The following UGT2B4 variants were observed in gnomAD, a reference collection of about 807,000 sequenced individuals.
UGT2B4 encodes UDP glucuronosyltransferase family 2 member B4.
UGT2B4 carries 49 observed loss-of-function variants against 49.8 expected under a neutral mutation model. The ratio of observed to expected loss-of-function variants is 0.98; its 90% CI spans 0.78 to 1.25. The LOEUF (loss-of-function observed/expected upper bound fraction) is 1.25, where lower values mean the gene tolerates loss of function less well. Among genes scored for constraint, UGT2B4 ranks in the 50% most tolerant of loss-of-function variants. The pLI, the probability that UGT2B4 is intolerant of heterozygous loss-of-function variation, is 0.00. For missense variants in UGT2B4, 729 were observed against 627.7 expected (o/e 1.16, Z -1.73); for synonymous variants, 246 against 217.7 (o/e 1.13, Z -1.14).
chr4:69,480,458 T>A lies in UGT2B4; in HGVS notation c.*176A>T. The A allele has an allele frequency of 1.1e-6, 1 of 905,014 alleles. No individual in the cohort carries two copies. The highest frequency in any genetic ancestry group is 1.6e-6 in the Non-Finnish European group (1 of 620,988). The allele number at this position is 905,014 out of a possible 1,614,324, so 56.1% of individuals were successfully genotyped here. A position where few individuals can be genotyped will look rare whatever the true frequency, so the allele number is the denominator to read the frequency against. On this transcript the variant is annotated 3_prime_UTR_variant, in exon 6 of 6. Coordinates refer to ENST00000305107, the MANE Select transcript of UGT2B4 (RefSeq NM_021139.3). ...TTCCCTAATGTTTTCCTCCTTGACA[T>A]GAAATATTTCTAATGGTTAAACAGG... is the stretch of plus-strand genomic sequence containing the variant.
chr4:69,486,463 C>A, intron 4 of UGT2B4, 146 bp downstream of exon 4: 1 of 461,390 alleles, frequency 2.2e-6, no homozygotes, highest in Non-Finnish European at 3.6e-6. Flanking sequence ...TCTTTTCCCC[C>A]GGGACTGGAA....
intron 5 of UGT2B4, 76 bp downstream of exon 5, chr4:69,485,132 G>A: frequency 1.1e-5 from 16 of 1,510,648 alleles, no homozygotes; most frequent in Non-Finnish European, 1.5e-5. Context: ...CTTATAAAAA[G>A]GATAAAAGTC....
intron 1 of UGT2B4, among the ~76,000 whole-genome samples, chr4:69,520,795 C>T (rs527848602): frequency 6.6e-6 from 1 of 152,070 alleles, no homozygotes. Flanking sequence ...AGCCTGAGTG[C>T]CATAGATGAC....
rs767982446 is a variant in UGT2B4, at chr4:69,480,368, A to C, written c.*266T>G. The C allele has an allele frequency of 3.0e-5, 11 of 360,730 alleles. No individual in the cohort carries two copies. The highest frequency in any genetic ancestry group is 4.4e-5 in the Non-Finnish European group (9 of 206,124). The allele number at this position is 360,730 out of a possible 1,614,324, so 22.3% of individuals were successfully genotyped here. A position where few individuals can be genotyped will look rare whatever the true frequency, so the allele number is the denominator to read the frequency against. On this transcript the variant is annotated 3_prime_UTR_variant, in exon 6 of 6. Transcript: ENST00000305107. The stretch of plus-strand genomic sequence containing the variant: ...TTCATGTAACCTGTGAATTGGAACA[A>C]TAAATTTCAATATAAGCTCAATACA...
At chr4:69,511,251 A>G (rs552693116) in intron 1 of UGT2B4, among the ~76,000 whole-genome samples, 2 of 152,146 alleles carry the variant, frequency 1.3e-5, no homozygotes, top group South Asian at 4.1e-4. Flanking sequence ...AGGCTTCTCA[A>G]AGTGCTGGGA....
At chr4:69,505,054 G>A (rs1728434762) in intron 1 of UGT2B4, among the ~76,000 whole-genome samples, 1 of 152,192 alleles carries the variant, frequency 6.6e-6, no homozygotes, top group South Asian at 2.1e-4. Flanking sequence ...CCTTACAAAA[G>A]CTTCTTAAGG....
chr4:69,500,605 G>GGAA (rs1553896489), upstream of UGT2B4, among the ~76,000 whole-genome samples: 3 of 130,550 alleles, frequency 2.3e-5, no homozygotes, highest in African/African-American at 8.6e-5. Context: ...AAGAAAGCAA[G>GGAA]GAAGAAAGAA....
At chr4:69,502,815 C>G (rs189848465) in intron 1 of UGT2B4, among the ~76,000 whole-genome samples, 1 of 152,132 alleles carries the variant, frequency 6.6e-6, no homozygotes, top group Admixed American at 6.5e-5. Context: ...TATTCACACC[C>G]CCAACAAGCT....
In UGT2B4 at chr4:69,480,930, G is replaced by A; in HGVS notation, c.1311-20C>T. The A allele has an allele frequency of 1.2e-6, 2 of 1,608,570 alleles. No individual in the cohort carries two copies. The highest frequency in any genetic ancestry group is 2.7e-5 in the African/African-American group (2 of 74,692). ...TTATATCTAAACGATAAGCAGAAAAGTATCAACATTGAAAGTAAGTTAATT... is the reference window on the plus strand; with the variant it reads ...TTATATCTAAACGATAAGCAGAAAAATATCAACATTGAAAGTAAGTTAATT... On this transcript the variant is annotated intron_variant, in intron 5 of 5. Coordinates refer to ENST00000305107, the MANE Select transcript of UGT2B4 (RefSeq NM_021139.3).
chr4:69,486,534 C>A (rs1409839075), intron 4 of UGT2B4, 75 bp downstream of exon 4: 2 of 996,514 alleles, frequency 2.0e-6, no homozygotes, highest in Non-Finnish European at 1.4e-6. Context: ...GTTCAGTAAG[C>A]TTGTTTCATG....
chr4:69,496,979 T>C (rs544981241), upstream of UGT2B4, among the ~76,000 whole-genome samples: 4 of 151,912 alleles, frequency 2.6e-5, no homozygotes, highest in African/African-American at 9.7e-5. Flanking sequence ...ACCAAGCCTG[T>C]AGTACATTCA....
At chr4:69,500,485 A>C (rs1428375455), upstream of UGT2B4, among the ~76,000 whole-genome samples, 3 of 149,004 alleles carry the variant, frequency 2.0e-5, no homozygotes, top group African/African-American at 4.9e-5. Context: ...GGAAGAAAAG[A>C]AAGAAAGCAA....
chr4:69,490,218 T>C (rs1727940332), intron 2 of UGT2B4, among the ~76,000 whole-genome samples: 1 of 152,190 alleles, frequency 6.6e-6, no homozygotes, highest in Non-Finnish European at 1.5e-5. Context: ...TTGGAATTTC[T>C]ATAAATTTCT....
chr4:69,507,417 C>T (rs1261214301), intron 1 of UGT2B4, among the ~76,000 whole-genome samples: 1 of 152,104 alleles, frequency 6.6e-6, no homozygotes, highest in African/African-American at 2.4e-5. Flanking sequence ...CATTTTTATG[C>T]ACCAGCAAGA....
upstream of UGT2B4, among the ~76,000 whole-genome samples, chr4:69,498,574 C>T (rs1728224986): frequency 6.6e-6 from 1 of 150,684 alleles, no homozygotes; most frequent in Admixed American, 6.6e-5. Flanking sequence ...TTATAGGTCT[C>T]ATCTTATTCT....
chr4:69,497,513 C>T (rs1295895959), upstream of UGT2B4, among the ~76,000 whole-genome samples: 1 of 152,118 alleles, frequency 6.6e-6, no homozygotes, highest in South Asian at 2.1e-4. Context: ...CCTGTTGGCC[C>T]TATAACAAAG....
chr4:69,492,245 C>T (rs780806788), intron 2 of UGT2B4, among the ~76,000 whole-genome samples: 2 of 152,006 alleles, frequency 1.3e-5, no homozygotes, highest in African/African-American at 2.4e-5. Flanking sequence ...GGTTGCTTGT[C>T]TTAAGGCAGA....
chr4:69,502,132 T>TCTTTCTTC (rs1728349402), intron 1 of UGT2B4, among the ~76,000 whole-genome samples: 1 of 142,980 alleles, frequency 7.0e-6, no homozygotes, highest in East Asian at 2.0e-4. Context: ...TTTCTTTCTT[T>TCTTTCTTC]CTTTCTTTCT....
rs747215322 is a variant in UGT2B4 at position 69,493,852 on chromosome 4, A to G, written c.722-11T>C. ...ACGTAGTGGGTCTTCCTGATGGGGG[A>G]AAAAAAAAGAAAAGATAGATGACAC... On this transcript the variant is annotated splice_polypyrimidine_tract_variant and intron_variant, in intron 1 of 5. Coordinates refer to ENST00000305107, the MANE Select transcript of UGT2B4 (RefSeq NM_021139.3). 2.1e-5 allele frequency: 32 copies of G among 1,555,408 alleles called. No homozygotes were observed. Among genetic ancestry groups the G allele is most frequent in the African/African-American group, 1.3e-4 (9 of 69,660 alleles).
Sources: allele counts gnomAD v4.1 joint callset (sites outside exome capture counted in the v4.1 genomes callset), GRCh38; gene constraint gnomAD v4.1.1; transcripts MANE v1.5; gene names NCBI Gene and HGNC (gene_info 2026-07-23, HGNC 2026-07-21).